The following MAGI3 variants were observed in gnomAD, a reference collection of about 807,000 sequenced individuals.
MAGI3 encodes the protein membrane-associated guanylate kinase, WW and PDZ domain-containing protein 3.
Under a neutral mutation model 121.8 loss-of-function variants are expected in MAGI3, and 43 were observed. The ratio of observed to expected loss-of-function variants is 0.35; its 90% CI spans 0.28 to 0.46. The LOEUF (loss-of-function observed/expected upper bound fraction) is 0.46, where lower values mean the gene tolerates loss of function less well. Ranked by LOEUF, MAGI3 falls within the 20% of genes least tolerant of loss-of-function variation. The pLI, the probability that MAGI3 is intolerant of heterozygous loss-of-function variation, is 1.00. For missense variants in MAGI3, 1,547 were observed against 1,797.3 expected (o/e 0.86, Z 2.52); for synonymous variants, 553 against 639.3 (o/e 0.86, Z 2.04).
intron 1 of MAGI3, among the ~76,000 whole-genome samples, chr1:113,453,898 C>T (rs1654613913): frequency 6.6e-6 from 1 of 152,242 alleles, no homozygotes; most frequent in African/African-American, 2.4e-5. Context: ...ATGCTATCTA[C>T]TGCTTCCCCT....
intron 1 of MAGI3, among the ~76,000 whole-genome samples, chr1:113,475,269 A>G (rs1655756156): frequency 6.6e-6 from 1 of 152,140 alleles, no homozygotes; most frequent in Non-Finnish European, 1.5e-5. Context: ...AACTTCCAAC[A>G]CTGTGTCGAA....
rs781717167 is a variant in MAGI3, at chr1:113,549,631, T to TGTAA, written c.433+4_433+7dup. 6.7e-7 allele frequency: 1 copy of TGTAA among 1,496,888 alleles called. No individual in the cohort carries two copies. The highest frequency in any genetic ancestry group is 9.2e-7 in the Non-Finnish European group (1 of 1,084,522). The allele number at this position is 1,496,888 out of a possible 1,614,324, so 92.7% of individuals were successfully genotyped here. On this transcript the variant is annotated frameshift_variant and splice_region_variant. Transcript: ENST00000307546. LOFTEE classifies it high-confidence loss of function. ...TAATCTCTACTTGAGAACCATTCCA[T>TGTAA]GTAAGTATGTGATGGAATAAAAGAA...
Position 113,546,759 on chromosome 1 carries a change from T to G in MAGI3, c.317-2756T>G, listed in dbSNP as rs150441127. ...ACAGAGTGCAATTCCAGCCTTGGCC[T>G]CTGAGTCTTAAGATCTTGTAGGCCC... is the stretch of plus-strand genomic sequence containing the variant. On this transcript the variant is annotated intron_variant, in intron 1 of 20. Transcript: ENST00000307546. Among the ~76,000 whole-genome samples, 340 of 152,074 alleles carry G rather than the reference T, an allele frequency of 2.2e-3. 8 individuals are homozygous for G. In the East Asian group the frequency reaches 0.062, roughly 28 times the overall value.
At chr1:113,561,692 GAA>G (rs1418773189) in intron 2 of MAGI3, among the ~76,000 whole-genome samples, 3 of 152,102 alleles carry the variant, frequency 2.0e-5, no homozygotes, top group Non-Finnish European at 2.9e-5. Context: ...CATTCCCCTT[GAA>G]AACCAGCACA....
Position 113,580,619 on chromosome 1 carries a change from C to T in MAGI3, c.511C>T (p.Leu171=), listed in dbSNP as rs1366875868. Residue 171 remains leucine, a synonymous_variant, in exon 3 of 21, where the codon CTG becomes TTG. Transcript: ENST00000307546. ...CATTTCCGTTGAACAGTTCAAAGCA[C>T]TGGAAGAGAGTGGAGCATTGTTAGA... The part of the protein sequence containing the change: ...NFISVEQFKA[L]EESGALLESG... 1.9e-6 allele frequency: 3 copies of T among 1,610,204 alleles called. No individual in the cohort carries two copies. Among genetic ancestry groups the T allele is most frequent in the Middle Eastern group, 1.7e-4 (1 of 6,046 alleles).
intron 6 of MAGI3, among the ~76,000 whole-genome samples, chr1:113,602,236 TA>T (rs994458210): frequency 2.6e-5 from 4 of 151,548 alleles, no homozygotes; most frequent in Non-Finnish European, 5.9e-5. Context: ...AATAAAATTA[TA>T]AAAAAAACTC....
chr1:113,660,859 C>T (rs903027070), intron 16 of MAGI3, among the ~76,000 whole-genome samples: 6 of 150,930 alleles, frequency 4.0e-5, no homozygotes, highest in African/African-American at 1.2e-4. Context: ...CTGCCTCAGC[C>T]TCCCACAGTG....
intron 6 of MAGI3, among the ~76,000 whole-genome samples, chr1:113,602,837 G>C (rs1202454225): frequency 6.6e-6 from 1 of 152,014 alleles, no homozygotes; most frequent in Non-Finnish European, 1.5e-5. Context: ...GAGGTGGGAG[G>C]ATTACTTGAG....
Position 113,416,353 on chromosome 1 carries a change from T to C in MAGI3, c.316+25004T>C, listed in dbSNP as rs1307201149. 1.4e-3 allele frequency among the ~76,000 whole-genome samples: 154 copies of C among 110,600 alleles called. 7 individuals carry two copies. The highest frequency in any genetic ancestry group is 5.2e-3 in the African/African-American group (144 of 27,714). The allele number at this position is 110,600 out of a possible 152,430, so 72.6% of individuals were successfully genotyped here. On this transcript the variant is annotated intron_variant, in intron 1 of 20. Transcript: ENST00000307546. ...ATATATCAATCATATATTAATTATA[T>C]ATTAATTTATATTATATTAATATAT... is the stretch of plus-strand genomic sequence containing the variant.
At chr1:113,623,097 T>C (rs1650941919) in intron 9 of MAGI3, 103 bp downstream of exon 9, 1 of 796,416 alleles carries the variant, frequency 1.3e-6, no homozygotes, top group Non-Finnish European at 1.8e-6. Context: ...TTAAATTATA[T>C]AACTAAAGAA....
chr1:113,411,704 C>A (rs1354143347), intron 1 of MAGI3, among the ~76,000 whole-genome samples: 1 of 150,302 alleles, frequency 6.7e-6, no homozygotes, highest in Non-Finnish European at 1.5e-5. Context: ...ATCTTGAATA[C>A]AAATTAATTT....
At chr1:113,622,585 G>T (rs1230165090) in intron 8 of MAGI3, among the ~76,000 whole-genome samples, 1 of 152,112 alleles carries the variant, frequency 6.6e-6, no homozygotes, top group Non-Finnish European at 1.5e-5. Flanking sequence ...GAGTTTTATA[G>T]TACAGTTGAA....
intron 1 of MAGI3, among the ~76,000 whole-genome samples, chr1:113,475,486 A>G (rs932899285): frequency 6.6e-6 from 1 of 152,136 alleles, no homozygotes; most frequent in Non-Finnish European, 1.5e-5. Context: ...ATCTATTGAG[A>G]TAATCATGTG....
intron 1 of MAGI3, among the ~76,000 whole-genome samples, chr1:113,401,550 A>T (rs1401971448): frequency 6.6e-6 from 1 of 152,208 alleles, no homozygotes; most frequent in Non-Finnish European, 1.5e-5. Context: ...AAAAGCCCAG[A>T]TAAATATATT....
intron 1 of MAGI3, among the ~76,000 whole-genome samples, chr1:113,436,805 G>T (rs1470247546): frequency 1.3e-5 from 2 of 149,126 alleles, no homozygotes; most frequent in Non-Finnish European, 3.0e-5. Context: ...AAATTTTAAA[G>T]ACAGTCTTTT....
At chr1:113,424,791 T>C (rs1652913273) in intron 1 of MAGI3, among the ~76,000 whole-genome samples, 2 of 152,180 alleles carry the variant, frequency 1.3e-5, no homozygotes, top group Non-Finnish European at 2.9e-5. Flanking sequence ...GGCTCATGAG[T>C]TGGGAAACGT....
At chr1:113,547,246 A>G (rs1023462596) in intron 1 of MAGI3, among the ~76,000 whole-genome samples, 1 of 152,104 alleles carries the variant, frequency 6.6e-6, no homozygotes, top group African/African-American at 2.4e-5. Flanking sequence ...TTAGCATTTT[A>G]TAGTTATCTT....
chr1:113,556,829 G>C (rs1470396791), intron 2 of MAGI3, among the ~76,000 whole-genome samples: 1 of 152,012 alleles, frequency 6.6e-6, no homozygotes, highest in Non-Finnish European at 1.5e-5. Flanking sequence ...GCCTCCCAAA[G>C]TGTTGGAATT....
At chr1:113,482,939 G>T (rs1032536424) in intron 1 of MAGI3, among the ~76,000 whole-genome samples, 2 of 151,908 alleles carry the variant, frequency 1.3e-5, no homozygotes, top group Non-Finnish European at 2.9e-5. Context: ...CTGAGTAGCT[G>T]GGACCACAGG....
Sources: allele counts gnomAD v4.1 joint callset (sites outside exome capture counted in the v4.1 genomes callset), GRCh38; gene constraint gnomAD v4.1.1; transcripts MANE v1.5; gene names NCBI Gene and HGNC (gene_info 2026-07-23, HGNC 2026-07-21).